The following APP variants were observed in gnomAD, a reference collection of about 807,000 sequenced individuals.
The protein encoded by APP is amyloid beta precursor protein, also known as amyloid-beta precursor protein.
Under a neutral mutation model 101.4 loss-of-function variants are expected in APP, and 31 were observed. The ratio of observed to expected loss-of-function variants is 0.31; its 90% CI spans 0.23 to 0.41. The LOEUF is 0.41. Ranked by LOEUF, APP falls within the 10% of genes least tolerant of loss-of-function variation. APP has a pLI of 1.00. For missense variants in APP, 839 were observed against 1,003.7 expected (o/e 0.84, Z 2.22); for synonymous variants, 366 against 364.4 (o/e 1.00, Z -0.05).
chr21:25,901,196 A>G (rs9978471), intron 15 of APP, among the ~76,000 whole-genome samples: 151,267 of 151,268 alleles, frequency 1, 75,633 homozygotes, highest in Middle Eastern at 1. Flanking sequence ...TGCATGGGAA[A>G]CTTAGGTGGG....
In APP at chr21:25,897,563, T is replaced by G. The variant is rs202051599; in HGVS notation, c.2064+10A>C. 6.2e-7 allele frequency: 1 copy of G among 1,601,886 alleles called. No individual in the cohort carries two copies. Among genetic ancestry groups the G allele is most frequent in the African/African-American group, 1.3e-5 (1 of 74,660 alleles). Reference sequence around the variant, plus strand: ...AACAGTAGTGGAAAGAGGTAAATTATTTTACGTACCAATTTTTGATGATGA... The same window carrying G: ...AACAGTAGTGGAAAGAGGTAAATTAGTTTACGTACCAATTTTTGATGATGA... On this transcript the variant is annotated intron_variant, in intron 16 of 17. Transcript: ENST00000346798.
rs150139112 is a variant in APP, at chr21:26,022,476, G to A, written c.663-434C>T. Among the ~76,000 whole-genome samples, 450 of 152,162 alleles carry A rather than the reference G, an allele frequency of 3.0e-3. 5 individuals carry two copies. The highest frequency in any genetic ancestry group is 0.01 in the African/African-American group (424 of 41,528). Reference sequence around the variant, plus strand: ...AAGAGACTATACTACACAAAAAGTCGCCTCTCATGTTAAAACAGGAATACT... The same window carrying A: ...AAGAGACTATACTACACAAAAAGTCACCTCTCATGTTAAAACAGGAATACT... On this transcript the variant is annotated intron_variant, in intron 5 of 17. Transcript: ENST00000346798.
At chr21:26,012,161 C>A (rs2043837049) in intron 6 of APP, among the ~76,000 whole-genome samples, 2 of 151,984 alleles carry the variant, frequency 1.3e-5, no homozygotes, top group Admixed American at 6.6e-5. Context: ...GCCTGTGACA[C>A]TACAGCCAAA....
At chr21:25,981,434 C>T (rs2042425816) in intron 9 of APP, among the ~76,000 whole-genome samples, 1 of 152,164 alleles carries the variant, frequency 6.6e-6, no homozygotes, top group Non-Finnish European at 1.5e-5. Flanking sequence ...TTTCCCCCCA[C>T]ATTCACTCCT....
intron 6 of APP, among the ~76,000 whole-genome samples, chr21:26,008,160 A>G (rs1053792577): frequency 1.3e-5 from 2 of 152,242 alleles, no homozygotes; most frequent in Non-Finnish European, 2.9e-5. Flanking sequence ...TAGCCAATAC[A>G]TCTGTCATTC....
intron 14 of APP, among the ~76,000 whole-genome samples, chr21:25,909,266 C>CA (rs35504500): frequency 0.23 from 16,590 of 73,682 alleles, 1,750 homozygotes; most frequent in African/African-American, 0.34. Flanking sequence ...GACTCCGTCT[C>CA]AAAAAAAAAA....
intron 1 of APP, among the ~76,000 whole-genome samples, chr21:26,121,455 T>G (rs148579998): frequency 0.019 from 2,906 of 152,094 alleles, 90 homozygotes; most frequent in African/African-American, 0.067. Flanking sequence ...TAGCGTGATC[T>G]CAGCTCACTG....
At chr21:26,062,366 A>G (rs1042102755) in intron 3 of APP, among the ~76,000 whole-genome samples, 5 of 152,034 alleles carry the variant, frequency 3.3e-5, no homozygotes, top group Admixed American at 3.3e-4. Context: ...CCACGGGAAC[A>G]AAATAAGTAT....
intron 13 of APP, among the ~76,000 whole-genome samples, chr21:25,952,083 A>C (rs909987478): frequency 6.6e-6 from 1 of 152,088 alleles, no homozygotes; most frequent in African/African-American, 2.4e-5. Context: ...AAAGGTTTTT[A>C]AAAAAGATTA....
intron 1 of APP, chr21:26,140,150 T>C (rs747197082): frequency 6.5e-7 from 1 of 1,529,672 alleles, no homozygotes; most frequent in Non-Finnish European, 8.8e-7. Context: ...AGTACTCACT[T>C]ACATAGTTGA....
intron 13 of APP, among the ~76,000 whole-genome samples, chr21:25,954,328 G>A (rs967908394): frequency 6.6e-6 from 1 of 152,210 alleles, no homozygotes; most frequent in African/African-American, 2.4e-5. Context: ...ATGCTGCCAC[G>A]TATAATTCAA....
chr21:25,933,997 T>C (rs2040256646), intron 13 of APP: 1 of 152,136 alleles, frequency 6.6e-6, no homozygotes, highest in Non-Finnish European at 1.5e-5. Flanking sequence ...CAGCCTTACT[T>C]GGAAACAGGG....
At chr21:25,986,520 G>A (rs574605950) in intron 8 of APP, among the ~76,000 whole-genome samples, 9 of 152,096 alleles carry the variant, frequency 5.9e-5, no homozygotes, top group Admixed American at 3.3e-4. Flanking sequence ...GAGAAACCCC[G>A]TCTCTACTAA....
At chr21:26,093,810 G>A (rs1456661466) in intron 2 of APP, among the ~76,000 whole-genome samples, 1 of 152,038 alleles carries the variant, frequency 6.6e-6, no homozygotes, top group Non-Finnish European at 1.5e-5. Context: ...GCAGATGGAT[G>A]TGGAGATTAC....
At chr21:26,081,993 G>A (rs1455676825) in intron 3 of APP, among the ~76,000 whole-genome samples, 2 of 152,148 alleles carry the variant, frequency 1.3e-5, no homozygotes, top group Admixed American at 1.3e-4. Flanking sequence ...CAAGATGGGT[G>A]GATCACCTGA....
intron 5 of APP, among the ~76,000 whole-genome samples, chr21:26,043,910 T>A (rs1456050407): frequency 6.6e-6 from 1 of 152,224 alleles, no homozygotes; most frequent in Non-Finnish European, 1.5e-5. Flanking sequence ...TACTTAACCA[T>A]GAGTCTGAGA....
At chr21:26,088,028 G>A (rs183977913) in intron 3 of APP, among the ~76,000 whole-genome samples, 3 of 151,922 alleles carry the variant, frequency 2.0e-5, no homozygotes, top group Non-Finnish European at 2.9e-5. Flanking sequence ...TAAGAGACGG[G>A]GTCTCATTAT....
intron 1 of APP, among the ~76,000 whole-genome samples, chr21:26,127,275 G>T (rs1187870908): frequency 6.6e-6 from 1 of 151,936 alleles, no homozygotes; most frequent in Non-Finnish European, 1.5e-5. Context: ...CATAACTAGG[G>T]TTCCAAGACC....
intron 16 of APP, among the ~76,000 whole-genome samples, chr21:25,896,371 CTT>C (rs1357323898): frequency 6.6e-6 from 1 of 152,010 alleles, no homozygotes; most frequent in Non-Finnish European, 1.5e-5. Flanking sequence ...GATTTATCAA[CTT>C]TATGAATATT....
Sources: gnomAD v4.1 joint callset for allele counts (sites outside exome capture counted in the v4.1 genomes callset) on GRCh38, gnomAD v4.1.1 for gene constraint, MANE v1.5 for transcripts, NCBI Gene and HGNC (gene_info 2026-07-23, HGNC 2026-07-21) for gene names.